LRGUK: variants seen among roughly 807,000 people sequenced by gnomAD.
LRGUK encodes the protein leucine rich repeats and guanylate kinase domain containing, also known as leucine-rich repeat and guanylate kinase domain-containing protein.
Under a neutral mutation model 76.0 loss-of-function variants are expected in LRGUK, and 65 were observed. That is an observed-to-expected ratio of 0.85 (90% CI 0.70 to 1.05). The LOEUF (loss-of-function observed/expected upper bound fraction) is 1.05, where lower values mean the gene tolerates loss of function less well. Ranked by LOEUF, LRGUK falls within the 50% of genes least tolerant of loss-of-function variation. The pLI, the probability that LRGUK is intolerant of heterozygous loss-of-function variation, is 0.00. For synonymous variants in LRGUK, 268 were observed against 265.6 expected (o/e 1.01, Z -0.09); for missense variants, 758 against 732.8 (o/e 1.03, Z -0.40).
intron 18 of LRGUK, among the ~76,000 whole-genome samples, chr7:134,249,640 C>G (rs1175107615): frequency 6.6e-6 from 1 of 152,024 alleles, no homozygotes; most frequent in Non-Finnish European, 1.5e-5. Context: ...AAATGTTTAC[C>G]AATGGAAGTG....
At chr7:134,221,902 C>A in exon 16 of LRGUK, 1 of 1,589,812 alleles carries the variant, frequency 6.3e-7, no homozygotes, top group Non-Finnish European at 8.5e-7. Context: ...AAACTTTCAG[C>A]CAAAAAAACA....
intron 16 of LRGUK, among the ~76,000 whole-genome samples, chr7:134,227,729 G>T (rs746915952): frequency 1.3e-5 from 2 of 152,054 alleles, no homozygotes; most frequent in African/African-American, 2.4e-5. Context: ...TAACTAAATT[G>T]AAATTATAAA....
Position 134,240,211 on chromosome 7 carries a change from C to T in LRGUK, c.1984-7345C>T, listed in dbSNP as rs560526627. On this transcript the variant is annotated intron_variant, in intron 16 of 19. Coordinates refer to the LRGUK transcript ENST00000285928. ...AAAGCTGGACGGAGAATGACTTTGA[C>T]GAGAGAAGAAGGCTTCAGATGATCG... 5.9e-5 allele frequency among the ~76,000 whole-genome samples: 9 copies of T among 152,254 alleles called. 1 individual carries two copies. The highest frequency in any genetic ancestry group is 2.6e-4 in the Admixed American group (4 of 15,290).
At chr7:134,203,748 G>A (rs1800885161) in intron 15 of LRGUK, among the ~76,000 whole-genome samples, 2 of 152,130 alleles carry the variant, frequency 1.3e-5, no homozygotes, top group South Asian at 4.1e-4. Context: ...GTCAGTGTAT[G>A]TATCCAGCCC....
At chr7:134,234,318 G>A (rs1443010749) in intron 16 of LRGUK, among the ~76,000 whole-genome samples, 1 of 151,836 alleles carries the variant, frequency 6.6e-6, no homozygotes, top group Non-Finnish European at 1.5e-5. Flanking sequence ...GAGATACTCC[G>A]CTTTGTTCAT....
chr7:134,272,676 G>A, the LRGUK span, among the ~76,000 whole-genome samples: 1 of 152,062 alleles, frequency 6.6e-6, no homozygotes, highest in Non-Finnish European at 1.5e-5. Context: ...TGACATCAAA[G>A]TATATAAGGC....
At chr7:134,230,379 T>C (rs188553256) in intron 16 of LRGUK, among the ~76,000 whole-genome samples, 2 of 152,182 alleles carry the variant, frequency 1.3e-5, no homozygotes, top group South Asian at 2.1e-4. Flanking sequence ...GAAACTCTTA[T>C]AAGAGAACTG....
intron 10 of LRGUK, among the ~76,000 whole-genome samples, chr7:134,178,910 C>T (rs73439488): frequency 0.11 from 1,252 of 11,134 alleles, 29 homozygotes; most frequent in African/African-American, 0.27. Context: ...GCGTGTGCCA[C>T]ACAACAGTGA....
At chr7:134,148,042 A>C (rs1424617760) in intron 4 of LRGUK, among the ~76,000 whole-genome samples, 196 bp from the exon 5 acceptor site, 2 of 139,220 alleles carry the variant, frequency 1.4e-5, no homozygotes, top group Non-Finnish European at 3.1e-5. Flanking sequence ...AGCCTGGACG[A>C]CAGAGCAAGA....
chr7:134,230,298 C>T (rs183506577), intron 16 of LRGUK, among the ~76,000 whole-genome samples: 47 of 152,150 alleles, frequency 3.1e-4, no homozygotes, highest in African/African-American at 1.1e-3. Flanking sequence ...AAAATATAAT[C>T]GCAATGAGAT....
At chr7:134,215,777 G>T (rs1181621017) in intron 15 of LRGUK, among the ~76,000 whole-genome samples, 2 of 152,046 alleles carry the variant, frequency 1.3e-5, no homozygotes, top group African/African-American at 4.8e-5. Flanking sequence ...GAATTTAATT[G>T]CGTAGTCCAA....
chr7:134,172,005 A>G (rs1238445033), intron 7 of LRGUK, among the ~76,000 whole-genome samples: 1 of 152,216 alleles, frequency 6.6e-6, no homozygotes, highest in African/African-American at 2.4e-5. Context: ...ATGGAAGGCC[A>G]GGAAGGGAAG....
At chr7:134,148,296 C>T (rs2116869898) in exon 5 of LRGUK, 2 of 1,595,492 alleles carry the variant, frequency 1.3e-6, no homozygotes, top group East Asian at 4.5e-5. Context: ...GCGTATCATG[C>T]TCTCACTAAA....
chr7:134,201,627 G>A (rs752632509), intron 15 of LRGUK, 51 bp downstream of exon 15: 1 of 1,385,674 alleles, frequency 7.2e-7, no homozygotes, highest in Non-Finnish European at 1.0e-6. Context: ...TCATGGAAAG[G>A]AAAACAAATC....
intron 2 of LRGUK, 38 bp downstream of exon 2, chr7:134,137,168 T>G: frequency 7.1e-7 from 1 of 1,415,204 alleles, no homozygotes; most frequent in Non-Finnish European, 9.9e-7. Context: ...GGCTACAGCT[T>G]GACACTGGCT....
intron 1 of LRGUK, among the ~76,000 whole-genome samples, chr7:134,135,738 C>T (rs192197158): frequency 7.2e-4 from 110 of 152,332 alleles, no homozygotes; most frequent in African/African-American, 2.5e-3. Flanking sequence ...TCACTGCAAG[C>T]TCTGCCTCCT....
Position 134,134,321 on chromosome 7 carries a change from G to A in LRGUK, c.298-2702G>A, listed in dbSNP as rs375121754. On this transcript the variant is annotated intron_variant, in intron 1 of 15. Coordinates refer to ENST00000645682, the Ensembl canonical transcript of LRGUK. ...TGATGACTAGGTCCAGGGCATGGCC[G>A]TGAAAGTAAGCTGTCTGGAGCTGCG... Among the ~76,000 whole-genome samples, 26 of 152,316 alleles carry A rather than the reference G, an allele frequency of 1.7e-4. 1 individual carries two copies. Among genetic ancestry groups the A allele is most frequent in the African/African-American group, 5.3e-4 (22 of 41,564 alleles).
chr7:134,132,992 G>C (rs1400126082), intron 1 of LRGUK, among the ~76,000 whole-genome samples: 5 of 152,206 alleles, frequency 3.3e-5, no homozygotes, highest in Admixed American at 3.3e-4. Context: ...AAAAGGGGCT[G>C]ATGAAGAACG....
chr7:134,272,381 G>A, the LRGUK span, among the ~76,000 whole-genome samples: 1 of 151,912 alleles, frequency 6.6e-6, no homozygotes, highest in African/African-American at 2.4e-5. Context: ...TAGGGTTTCT[G>A]TTCCCTTCTC....
Sources: allele counts gnomAD v4.1 joint callset (sites outside exome capture counted in the v4.1 genomes callset), GRCh38; gene constraint gnomAD v4.1.1; transcripts MANE v1.5; gene names NCBI Gene and HGNC (gene_info 2026-07-23, HGNC 2026-07-21).